Variants in IL1RAPL1 observed in about 807,000 individuals in gnomAD.
IL1RAPL1 encodes interleukin-1 receptor accessory protein-like 1.
Under a neutral mutation model 48.4 loss-of-function variants are expected in IL1RAPL1, and 3 were observed. That is an observed-to-expected ratio of 0.06 (90% CI 0.03 to 0.16). The LOEUF is 0.16. Ranked by LOEUF, IL1RAPL1 falls within the 10% of genes least tolerant of loss-of-function variation. IL1RAPL1 has a pLI of 1.00. For missense variants in IL1RAPL1, 349 were observed against 530.6 expected (o/e 0.66, Z 3.36); for synonymous variants, 185 against 187.7 (o/e 0.99, Z 0.12).
intron 2 of IL1RAPL1, among the ~76,000 whole-genome samples, chrX:29,213,303 T>G (rs995954561): frequency 4.4e-5 from 5 of 112,455 alleles, no homozygotes; most frequent in African/African-American, 1.6e-4. Context: ...TGGCCAGAAT[T>G]AGACAACTTC....
At chrX:29,342,521 A>T in intron 3 of IL1RAPL1, among the ~76,000 whole-genome samples, 1 of 111,806 alleles carries the variant, frequency 8.9e-6, no homozygotes, top group Non-Finnish European at 1.9e-5. Context: ...CAAGCATGTA[A>T]CTTTTCTTGA....
intron 2 of IL1RAPL1, among the ~76,000 whole-genome samples, chrX:28,919,106 T>C (rs1923556439): frequency 8.9e-6 from 1 of 111,810 alleles, no homozygotes; most frequent in Non-Finnish European, 1.9e-5. Context: ...GAACATCACA[T>C]GTGTTCAATA....
At chrX:29,881,350 C>T (rs1255818092) in intron 6 of IL1RAPL1, among the ~76,000 whole-genome samples, 1 of 110,781 alleles carries the variant, frequency 9.0e-6, no homozygotes, top group Non-Finnish European at 1.9e-5. Flanking sequence ...GAGTCATCAG[C>T]TGAGGGCTAA....
chrX:29,319,152 ATCTG>A (rs756903245), intron 3 of IL1RAPL1, among the ~76,000 whole-genome samples: 7 of 74,101 alleles, frequency 9.4e-5, no homozygotes, highest in South Asian at 7.0e-4. Flanking sequence ...ATATCTGTCT[ATCTG>A]TCTGTCTATC....
intron 1 of IL1RAPL1, among the ~76,000 whole-genome samples, chrX:28,721,622 G>C (rs1363774302): frequency 9.0e-5 from 10 of 110,973 alleles, no homozygotes; most frequent in African/African-American, 3.0e-4. Context: ...GTCAATTTTG[G>C]CTTTTGTTGC....
At chrX:28,759,683 C>T (rs1323956517) in intron 1 of IL1RAPL1, among the ~76,000 whole-genome samples, 1 of 111,665 alleles carries the variant, frequency 9.0e-6, no homozygotes, top group African/African-American at 3.3e-5. Context: ...AGTATAGTTT[C>T]AGCTAATAAA....
chrX:29,824,324 C>G (rs2147184568), intron 6 of IL1RAPL1, among the ~76,000 whole-genome samples: 1 of 111,627 alleles, frequency 9.0e-6, no homozygotes, highest in East Asian at 2.8e-4. Flanking sequence ...AGAAAATCTC[C>G]TCTACTGAAA....
chrX:29,405,556 C>T (rs1300836050), intron 5 of IL1RAPL1, among the ~76,000 whole-genome samples: 2 of 101,259 alleles, frequency 2.0e-5, no homozygotes, highest in South Asian at 4.2e-4. Flanking sequence ...TTAGTAGAGA[C>T]GGGGTTTCAC....
intron 6 of IL1RAPL1, among the ~76,000 whole-genome samples, chrX:29,670,860 G>A (rs1374200146): frequency 6.3e-5 from 7 of 111,753 alleles, no homozygotes; most frequent in Admixed American, 9.5e-5. Context: ...GGTGGCCTGC[G>A]CCCATGATGG....
In IL1RAPL1 at chrX:29,364,054, G is replaced by A. The variant is rs1395705876; in HGVS notation, c.363-32204G>A. Among the ~76,000 whole-genome samples, 4 of 112,395 alleles carry A rather than the reference G, an allele frequency of 3.6e-5. No homozygotes were observed. The Admixed American group carries it at 3.8e-4, about 11-fold the overall frequency. ...CTGATGTAGTTTATCTGAATGACCT[G>A]TTCCTAAATCATGACTTCAGAAATA... On this transcript the variant is annotated intron_variant, in intron 3 of 10. Coordinates refer to ENST00000378993, the MANE Select transcript of IL1RAPL1 (RefSeq NM_014271.4).
rs1569232895 is a variant in IL1RAPL1 at position 29,081,022 on chromosome X, T to TCTCTC, written c.83-201916_83-201915insCTCTC. Among the ~76,000 whole-genome samples the TCTCTC allele has an allele frequency of 2.9e-3, 115 of 39,228 alleles. 2 individuals are homozygous for TCTCTC. The highest frequency in any genetic ancestry group is 4.8e-3 in the Non-Finnish European group (89 of 18,572). The allele number at this position is 39,228 out of a possible 115,157, so 34.1% of individuals were successfully genotyped here. ...TCTCTCTCTCTCTCTCTCTCTCTCT[T>TCTCTC]TCTTTTCTTTTCTTTTCTTTTCTTT... On this transcript the variant is annotated intron_variant, in intron 2 of 10. Transcript: ENST00000378993.
chrX:29,243,490 C>T (rs942511847), intron 2 of IL1RAPL1, among the ~76,000 whole-genome samples: 2 of 111,550 alleles, frequency 1.8e-5, no homozygotes, highest in African/African-American at 6.5e-5. Flanking sequence ...CTCTCTGGGA[C>T]CTGTGAGAAT....
chrX:29,902,948 G>A (rs950017205), intron 6 of IL1RAPL1, among the ~76,000 whole-genome samples: 26 of 111,300 alleles, frequency 2.3e-4, no homozygotes, highest in Admixed American at 2.2e-3. Context: ...AGCAGATGTT[G>A]TTATATCTTT....
intron 5 of IL1RAPL1, among the ~76,000 whole-genome samples, chrX:29,528,351 A>G (rs1042609628): frequency 1.8e-4 from 20 of 112,514 alleles, no homozygotes; most frequent in Non-Finnish European, 3.8e-4. Flanking sequence ...TGATGAACTA[A>G]TATTGAGTAA....
intron 2 of IL1RAPL1, among the ~76,000 whole-genome samples, chrX:28,894,088 G>GTT (rs757418985): frequency 8.9e-6 from 1 of 112,038 alleles, no homozygotes; most frequent in African/African-American, 3.3e-5. Flanking sequence ...TTTGAGAAGC[G>GTT]TTTTTTTATT....
At chrX:29,069,342 G>A (rs895487807) in intron 2 of IL1RAPL1, among the ~76,000 whole-genome samples, 4 of 111,414 alleles carry the variant, frequency 3.6e-5, no homozygotes, top group Non-Finnish European at 3.8e-5. Flanking sequence ...TAACAATGAG[G>A]AAAAATGGTA....
At chrX:29,460,475 AG>A (rs1934790257) in intron 5 of IL1RAPL1, among the ~76,000 whole-genome samples, 1 of 111,971 alleles carries the variant, frequency 8.9e-6, no homozygotes, top group Non-Finnish European at 1.9e-5. Context: ...AACAAACATC[AG>A]GTCCCATTTC....
At chrX:29,032,196 ATAT>A (rs1337159482) in intron 2 of IL1RAPL1, among the ~76,000 whole-genome samples, 1 of 112,060 alleles carries the variant, frequency 8.9e-6, no homozygotes, top group Non-Finnish European at 1.9e-5. Context: ...CATGTAGCAA[ATAT>A]TATGAATGGC....
intron 2 of IL1RAPL1, among the ~76,000 whole-genome samples, chrX:29,102,059 A>G (rs1463830691): frequency 8.9e-6 from 1 of 112,261 alleles, no homozygotes; most frequent in African/African-American, 3.2e-5. Flanking sequence ...CGAATGAAGG[A>G]AAAAAACATA....
Sources: allele counts gnomAD v4.1 joint callset (sites outside exome capture counted in the v4.1 genomes callset), GRCh38; gene constraint gnomAD v4.1.1; transcripts MANE v1.5; gene names NCBI Gene and HGNC (gene_info 2026-07-23, HGNC 2026-07-21).